CSMD3: variants seen among roughly 807,000 people sequenced by gnomAD.
CSMD3 encodes CUB and Sushi multiple domains 3, also known as CUB and sushi domain-containing protein 3.
In CSMD3, 177 loss-of-function variants were observed where a neutral mutation model predicts 435.2. That is an observed-to-expected ratio of 0.41 (90% CI 0.36 to 0.46). The LOEUF is 0.46. Ranked by LOEUF, CSMD3 falls within the 20% of genes least tolerant of loss-of-function variation. CSMD3 has a pLI of 0.34. For missense variants in CSMD3, 4,265 were observed against 4,504.6 expected (o/e 0.95, Z 1.52); for synonymous variants, 1,656 against 1,520.5 (o/e 1.09, Z -2.07).
intron 10 of CSMD3, among the ~76,000 whole-genome samples, chr8:112,870,485 C>T (rs1456246986): frequency 6.6e-6 from 1 of 151,580 alleles, no homozygotes; most frequent in Non-Finnish European, 1.5e-5. Flanking sequence ...ACAGTGTTAG[C>T]CAGGATGGTC....
intron 4 of CSMD3, among the ~76,000 whole-genome samples, chr8:113,168,997 G>T (rs1342609820): frequency 1.3e-5 from 2 of 151,996 alleles, no homozygotes; most frequent in Non-Finnish European, 2.9e-5. Flanking sequence ...AGGAATTTTG[G>T]TATATAAAAT....
chr8:112,464,412 C>T (rs1301581091), intron 32 of CSMD3, among the ~76,000 whole-genome samples: 1 of 151,904 alleles, frequency 6.6e-6, no homozygotes, highest in Non-Finnish European at 1.5e-5. Flanking sequence ...TATAAAGCAA[C>T]CATTGTTTCT....
At chr8:113,375,015 T>C (rs2094372288) in intron 1 of CSMD3, among the ~76,000 whole-genome samples, 1 of 152,080 alleles carries the variant, frequency 6.6e-6, no homozygotes, top group Non-Finnish European at 1.5e-5. Context: ...TATTTGAAAG[T>C]TGTGACCATC....
intron 41 of CSMD3, among the ~76,000 whole-genome samples, chr8:112,343,782 A>G (rs940789394): frequency 6.6e-6 from 1 of 152,130 alleles, no homozygotes; most frequent in African/African-American, 2.4e-5. Flanking sequence ...ATTAGGTGGG[A>G]CATACAGGCG....
At chr8:113,211,695 T>A (rs1030709540) in intron 3 of CSMD3, among the ~76,000 whole-genome samples, 34 of 151,964 alleles carry the variant, frequency 2.2e-4, no homozygotes, top group African/African-American at 7.5e-4. Flanking sequence ...TCTCAAAAAA[T>A]AAATAAATAA....
intron 10 of CSMD3, among the ~76,000 whole-genome samples, chr8:112,863,100 A>G (rs1357815051): frequency 1.3e-5 from 2 of 151,968 alleles, no homozygotes; most frequent in African/African-American, 2.4e-5. Flanking sequence ...GGGTGTTACT[A>G]ATATTAACCC....
intron 5 of CSMD3, among the ~76,000 whole-genome samples, chr8:113,022,320 G>A (rs989123755): frequency 6.6e-6 from 1 of 151,858 alleles, no homozygotes; most frequent in Non-Finnish European, 1.5e-5. Flanking sequence ...AAGTCAATGA[G>A]AATAATCTTT....
At chr8:112,287,340 G>T (rs1169445452) in intron 57 of CSMD3, 94 bp from the exon 58 acceptor site, 6 of 1,163,758 alleles carry the variant, frequency 5.2e-6, no homozygotes, top group Non-Finnish European at 7.7e-6. Flanking sequence ...TTGTTTTTGT[G>T]CATGCGGTGT....
chr8:112,237,111 A>C, intron 67 of CSMD3, 79 bp downstream of exon 67: 1 of 1,430,606 alleles, frequency 7.0e-7, no homozygotes, highest in African/African-American at 1.4e-5. Context: ...ACCATATAAA[A>C]AGCATTACTA....
intron 45 of CSMD3, among the ~76,000 whole-genome samples, chr8:112,323,526 C>T (rs1823209527): frequency 1.3e-5 from 2 of 151,740 alleles, no homozygotes; most frequent in African/African-American, 2.4e-5. Flanking sequence ...GACTAGTGTC[C>T]CTATAAAATA....
intron 20 of CSMD3, among the ~76,000 whole-genome samples, chr8:112,639,960 G>T (rs1336385612): frequency 6.6e-6 from 1 of 152,112 alleles, no homozygotes; most frequent in East Asian, 1.9e-4. Context: ...ATTACTGAAT[G>T]ATGGGAGTAA....
chr8:113,121,972 A>C (rs2356049), intron 4 of CSMD3, among the ~76,000 whole-genome samples: 52,005 of 152,022 alleles, frequency 0.34, 9,775 homozygotes, highest in East Asian at 0.69. Context: ...TGATGTATAA[A>C]AAGGTACCCC....
At chr8:112,276,626 C>A (rs568331062) in intron 59 of CSMD3, among the ~76,000 whole-genome samples, 2 of 152,132 alleles carry the variant, frequency 1.3e-5, no homozygotes, top group Admixed American at 1.3e-4. Flanking sequence ...TGCCCTGCAT[C>A]CAAGCCACTC....
At chr8:112,679,072 G>A (rs2075828191) in intron 16 of CSMD3, among the ~76,000 whole-genome samples, 2 of 146,552 alleles carry the variant, frequency 1.4e-5, no homozygotes, top group South Asian at 2.2e-4. Context: ...GGAATGGTGG[G>A]GGGATGGGGC....
intron 25 of CSMD3, 66 bp from the exon 26 acceptor site, chr8:112,552,786 T>A: frequency 6.9e-7 from 1 of 1,459,078 alleles, no homozygotes; most frequent in East Asian, 2.3e-5. Context: ...AATCTACAAA[T>A]TTCTCATGAG....
intron 1 of CSMD3, among the ~76,000 whole-genome samples, chr8:113,362,653 T>A (rs2094285068): frequency 6.6e-6 from 1 of 152,182 alleles, no homozygotes; most frequent in Non-Finnish European, 1.5e-5. Context: ...TTTCTCAGTT[T>A]TGTGGGATGC....
chr8:112,234,044 T>C (rs545378483), intron 68 of CSMD3, among the ~76,000 whole-genome samples: 3 of 151,942 alleles, frequency 2.0e-5, no homozygotes, highest in African/African-American at 7.2e-5. Flanking sequence ...AGATGGAATA[T>C]ATTTGATGAA....
chr8:113,436,846 C>G lies in CSMD3; in HGVS notation c.9G>C (p.Gly3=), dbSNP rs1209952027. The G allele has an allele frequency of 2.5e-6, 4 of 1,613,960 alleles. No homozygotes were observed. The highest frequency in any genetic ancestry group is 1.1e-5 in the South Asian group (1 of 91,090). MK[G]IRKGESRAKE... ...TTGCTCGGCTTTCCCCTTTGCGGATCCCTTTCATATTATTCGCGAGCTCCT... is the reference window on the plus strand; with the variant it reads ...TTGCTCGGCTTTCCCCTTTGCGGATGCCTTTCATATTATTCGCGAGCTCCT... The change falls in exon 1 of 71, where the codon GGG becomes GGC. Residue 3 remains glycine, a synonymous_variant. Coordinates refer to ENST00000297405, the MANE Select transcript of CSMD3 (RefSeq NM_198123.2).
At chr8:112,441,554 A>G (rs1014581580) in intron 32 of CSMD3, among the ~76,000 whole-genome samples, 1 of 152,184 alleles carries the variant, frequency 6.6e-6, no homozygotes, top group African/African-American at 2.4e-5. Context: ...TTACTGTATT[A>G]GTCCATTCTC....
Sources: allele counts gnomAD v4.1 joint callset (sites outside exome capture counted in the v4.1 genomes callset), GRCh38; gene constraint gnomAD v4.1.1; transcripts MANE v1.5; gene names NCBI Gene and HGNC (gene_info 2026-07-23, HGNC 2026-07-21).